Variants in TRMT44 observed in about 807,000 individuals in gnomAD.
The protein encoded by TRMT44 is probable tRNA (uracil-O(2)-)-methyltransferase.
A neutral mutation model predicts 77.3 loss-of-function variants in TRMT44; 78 were observed. That is an observed-to-expected ratio of 1.01 (90% CI 0.84 to 1.22). The LOEUF is 1.22. Among genes scored for constraint, TRMT44 ranks in the 50% most tolerant of loss-of-function variants. The pLI, the probability that TRMT44 is intolerant of heterozygous loss-of-function variation, is 0.00. For missense variants in TRMT44, 1,090 were observed against 964.4 expected (o/e 1.13, Z -1.73); for synonymous variants, 391 against 383.3 (o/e 1.02, Z -0.23).
the TRMT44 span, chr4:8,512,169 C>T: frequency 6.6e-6 from 1 of 152,082 alleles, no homozygotes; most frequent in Non-Finnish European, 1.5e-5. Context: ...CAGGTTCAAG[C>T]AATTCTCCTG....
chr4:8,442,834 C>A (rs1724835110), intron 1 of TRMT44, among the ~76,000 whole-genome samples: 1 of 152,246 alleles, frequency 6.6e-6, no homozygotes, highest in Non-Finnish European at 1.5e-5. Context: ...TCCTCTCCTG[C>A]TGCTTCTCTC....
intron 10 of TRMT44, among the ~76,000 whole-genome samples, chr4:8,471,976 G>A (rs913756077): frequency 4.0e-5 from 6 of 151,834 alleles, no homozygotes; most frequent in Non-Finnish European, 8.8e-5. Flanking sequence ...CAGCGCCAGC[G>A]GCTGGGGAGT....
At chr4:8,510,098 C>T in the TRMT44 span, among the ~76,000 whole-genome samples, 1 of 152,168 alleles carries the variant, frequency 6.6e-6, no homozygotes, top group Admixed American at 6.5e-5. Flanking sequence ...CTTCTGTTTG[C>T]AGCTACAACA....
chr4:8,491,979 G>C (rs1296247491), intron 2 of TRMT44, among the ~76,000 whole-genome samples: 4 of 152,246 alleles, frequency 2.6e-5, no homozygotes, highest in Non-Finnish European at 5.9e-5. Flanking sequence ...TCTCAACTCA[G>C]TCTCCCACAT....
At chr4:8,471,545 T>C (rs1727000827) in intron 10 of TRMT44, among the ~76,000 whole-genome samples, 1 of 152,264 alleles carries the variant, frequency 6.6e-6, no homozygotes, top group Non-Finnish European at 1.5e-5. Flanking sequence ...CTGGGGGTCA[T>C]TGTTTGGCGT....
At chr4:8,447,992 A>G (rs984373581) in intron 2 of TRMT44, among the ~76,000 whole-genome samples, 1 of 152,124 alleles carries the variant, frequency 6.6e-6, no homozygotes, top group Non-Finnish European at 1.5e-5. Context: ...CTCTTTGACA[A>G]GCTACTGAGG....
chr4:8,483,096 A>C (rs927270727), intron 2 of TRMT44, among the ~76,000 whole-genome samples: 1 of 152,190 alleles, frequency 6.6e-6, no homozygotes, highest in Non-Finnish European at 1.5e-5. Context: ...GCCTGGATAC[A>C]GTTTTGTATG....
chr4:8,463,123 T>C (rs1726274678), intron 6 of TRMT44, among the ~76,000 whole-genome samples: 1 of 152,224 alleles, frequency 6.6e-6, no homozygotes, highest in South Asian at 2.1e-4. Flanking sequence ...GTGAGTGTTC[T>C]CAGAATGTCT....
chr4:8,471,782 C>T (rs190940194), intron 10 of TRMT44, among the ~76,000 whole-genome samples: 1 of 152,332 alleles, frequency 6.6e-6, no homozygotes, highest in Non-Finnish European at 1.5e-5. Context: ...CCCGCTTGTC[C>T]ATTCACTCAG....
chr4:8,504,029 C>T, the TRMT44 span, among the ~76,000 whole-genome samples: 10 of 152,114 alleles, frequency 6.6e-5, no homozygotes, highest in East Asian at 1.9e-4. This position sits in a 1 kb window ranked among gnomAD's most constrained non-coding sequence, Gnocchi z 5.3. Flanking sequence ...TCCCCGCACC[C>T]GTCCACACCT....
chr4:8,441,690 T>C lies in TRMT44; in HGVS notation c.619+249T>C, dbSNP rs116071817. On this transcript the variant is annotated intron_variant, in intron 1 of 10. Coordinates refer to ENST00000389737, the MANE Select transcript of TRMT44 (RefSeq NM_152544.3). The stretch of plus-strand genomic sequence containing the variant: ...GAAGGACTAGCTGGATATTGCGTAA[T>C]ACCTAGGAGTTTAGCAGGTAAAGCT... Among the ~76,000 whole-genome samples the C allele has an allele frequency of 6.7e-3, 1,017 of 152,306 alleles. 6 individuals are homozygous for C. The highest frequency in any genetic ancestry group is 0.02 in the African/African-American group (847 of 41,570).
intron 6 of TRMT44, among the ~76,000 whole-genome samples, chr4:8,458,996 C>T (rs1161240650): frequency 2.0e-5 from 3 of 150,240 alleles, no homozygotes; most frequent in African/African-American, 4.9e-5. Flanking sequence ...TCCAGGAGTG[C>T]GAGACCAGCC....
the TRMT44 span, among the ~76,000 whole-genome samples, chr4:8,505,517 GGT>G: frequency 1.3e-5 from 2 of 152,224 alleles, no homozygotes; most frequent in African/African-American, 4.8e-5. Context: ...ACAGGCAGCC[GGT>G]GTGGGGGGCA....
At chr4:8,490,034 C>T (rs73091471) in intron 2 of TRMT44, among the ~76,000 whole-genome samples, 5,602 of 152,202 alleles carry the variant, frequency 0.037, 112 homozygotes, top group African/African-American at 0.05. Flanking sequence ...ACCCATGGCT[C>T]CACTTGGACC....
chr4:8,470,498 G>A (rs977679352), intron 9 of TRMT44, among the ~76,000 whole-genome samples: 8 of 152,258 alleles, frequency 5.3e-5, no homozygotes, highest in African/African-American at 1.9e-4. Context: ...TGACTTTAAT[G>A]TCACCAGGTT....
In TRMT44 at chr4:8,454,693, T is replaced by C. The variant is rs772446947; in HGVS notation, c.1132-49T>C. 1.9e-6 allele frequency: 3 copies of C among 1,568,762 alleles called. No individual in the cohort carries two copies. In the East Asian group the frequency reaches 6.7e-5, roughly 35 times the overall value. On this transcript the variant is annotated intron_variant, in intron 5 of 10. Coordinates refer to ENST00000389737, the MANE Select transcript of TRMT44 (RefSeq NM_152544.3). ...ACTTTAATGTGTTCTTGCTAACTTATTATGAAGTACTAAGGTTAACCTTTG... is the reference window on the plus strand; with the variant it reads ...ACTTTAATGTGTTCTTGCTAACTTACTATGAAGTACTAAGGTTAACCTTTG...
Position 8,464,094 on chromosome 4 carries a change from G to A in TRMT44, c.1310+3G>A. 1 of 1,611,978 alleles carries A rather than the reference G, an allele frequency of 6.2e-7. No homozygotes were observed. Among genetic ancestry groups the A allele is most frequent in the South Asian group, 1.1e-5 (1 of 90,918 alleles). On this transcript the variant is annotated splice_donor_region_variant and intron_variant, in intron 7 of 10. Coordinates refer to ENST00000389737, the MANE Select transcript of TRMT44 (RefSeq NM_152544.3). ...TGGATACCTGTCATTGCAGCCAGGT[G>A]AGAAGTAGAGGAGTTATCAGGTGAA...
chr4:8,455,541 TTTC>T (rs1327981293), intron 6 of TRMT44, among the ~76,000 whole-genome samples: 2 of 152,266 alleles, frequency 1.3e-5, no homozygotes, highest in African/African-American at 4.8e-5. Context: ...CAGTCTCACT[TTTC>T]TTAATGCCCC....
At position 8,461,303 on chromosome 4, in the gene TRMT44, A is replaced by G. The variant is rs1726138986; in HGVS notation, c.1204-2682A>G. ...AGCCAGTGCACTCGGGAGGCTCTGC[A>G]AATATGTGTGTAGACTATAGACTCT... On this transcript the variant is annotated intron_variant, in intron 6 of 10. Coordinates refer to ENST00000389737, the MANE Select transcript of TRMT44 (RefSeq NM_152544.3). This position sits in a 1 kb window ranked among gnomAD's most constrained non-coding sequence, Gnocchi z 4.6. 1.3e-5 allele frequency among the ~76,000 whole-genome samples: 2 copies of G among 152,230 alleles called. No individual in the cohort carries two copies. Among genetic ancestry groups the G allele is most frequent in the South Asian group, 2.1e-4 (1 of 4,828 alleles).
Sources: allele counts gnomAD v4.1 joint callset (sites outside exome capture counted in the v4.1 genomes callset), GRCh38; gene constraint gnomAD v4.1.1; non-coding constraint Gnocchi (gnomAD v3.1); transcripts MANE v1.5; gene names NCBI Gene and HGNC (gene_info 2026-07-23, HGNC 2026-07-21).